PTPRN2: variants seen among roughly 807,000 people sequenced by gnomAD.
PTPRN2 encodes receptor-type tyrosine-protein phosphatase N2.
Under a neutral mutation model 118.8 loss-of-function variants are expected in PTPRN2, and 74 were observed. The observed-to-expected ratio is 0.62, with a 90% CI of 0.52 to 0.76. The LOEUF (loss-of-function observed/expected upper bound fraction) is 0.76, where lower values mean the gene tolerates loss of function less well. Ranked by LOEUF, PTPRN2 falls within the 30% of genes least tolerant of loss-of-function variation. PTPRN2 has a pLI of 0.00. For synonymous variants in PTPRN2, 641 were observed against 608.0 expected (o/e 1.05, Z -0.80); for missense variants, 1,481 against 1,394.4 (o/e 1.06, Z -0.99).
At chr7:157,872,393 C>T (rs1431572346) in intron 12 of PTPRN2, among the ~76,000 whole-genome samples, 7 of 119,906 alleles carry the variant, frequency 5.8e-5, no homozygotes, top group African/African-American at 1.7e-4. Flanking sequence ...ACCCAGTGTC[C>T]TCCCCCCACA....
intron 12 of PTPRN2, 59 bp downstream of exon 12, chr7:157,898,614 G>A (rs930290941): frequency 6.1e-6 from 9 of 1,484,338 alleles, no homozygotes; most frequent in African/African-American, 4.2e-5. Flanking sequence ...CACGGTGTTC[G>A]CCAGCACCCA....
At chr7:157,686,427 A>G (rs1797197305) in intron 12 of PTPRN2, among the ~76,000 whole-genome samples, 1 of 152,216 alleles carries the variant, frequency 6.6e-6, no homozygotes, top group African/African-American at 2.4e-5. Flanking sequence ...GTGGAGTTAA[A>G]AAAAATCTTC....
chr7:157,978,112 G>A (rs1802885528), intron 11 of PTPRN2, among the ~76,000 whole-genome samples: 1 of 152,004 alleles, frequency 6.6e-6, no homozygotes, highest in South Asian at 2.1e-4. Context: ...GAGGTTTACA[G>A]ATGCCTTGGG....
intron 3 of PTPRN2, among the ~76,000 whole-genome samples, chr7:158,312,258 ACTCACGTGCTCACATGTAGACACG>A: frequency 6.4e-5 from 7 of 109,442 alleles, no homozygotes; most frequent in South Asian, 2.4e-4. Flanking sequence ...CTGCACACGC[ACTCACGTGCTCACATGTAGACACG>A]CACACATGCA....
intron 12 of PTPRN2, among the ~76,000 whole-genome samples, chr7:157,814,954 G>A (rs1487007318): frequency 2.6e-5 from 4 of 152,158 alleles, no homozygotes; most frequent in Admixed American, 2.0e-4. Context: ...AAAGCTACGT[G>A]GTCACCCGTG....
chr7:157,718,456 G>A (rs999471135), intron 12 of PTPRN2, among the ~76,000 whole-genome samples: 10 of 152,202 alleles, frequency 6.6e-5, no homozygotes, highest in Admixed American at 4.6e-4. Flanking sequence ...TTTGGAGAGC[G>A]CCTTCCTCCT....
chr7:158,392,681 C>T (rs1812032634), intron 2 of PTPRN2, among the ~76,000 whole-genome samples: 2 of 152,148 alleles, frequency 1.3e-5, no homozygotes. Flanking sequence ...ACTGCGAAGA[C>T]ACAAAGCCGG....
chr7:158,043,024 A>T (rs1401679849), intron 11 of PTPRN2, among the ~76,000 whole-genome samples: 1 of 152,162 alleles, frequency 6.6e-6, no homozygotes, highest in African/African-American at 2.4e-5. Flanking sequence ...GAGACCAAAA[A>T]AATGGAGGAA....
chr7:157,677,603 C>A (rs1408456228), intron 13 of PTPRN2, among the ~76,000 whole-genome samples: 1 of 152,164 alleles, frequency 6.6e-6, no homozygotes, highest in Non-Finnish European at 1.5e-5. Context: ...CGTTCAGACT[C>A]ATGGTGAAAA....
Position 157,550,609 on chromosome 7 carries a change from T to C in PTPRN2, c.2903-1590A>G, listed in dbSNP as rs1243335614. Among the ~76,000 whole-genome samples the C allele has an allele frequency of 6.6e-6, 1 of 152,204 alleles. No homozygotes were observed. The highest frequency in any genetic ancestry group is 2.4e-5 in the African/African-American group (1 of 41,462). On this transcript the variant is annotated intron_variant, in intron 21 of 22. Coordinates refer to ENST00000389418, the MANE Select transcript of PTPRN2 (RefSeq NM_002847.5). The surrounding 1 kb of genome is among the most constrained non-coding windows in gnomAD (Gnocchi z 5.2). ...CTGGCAGGAACAGGGCTCGTGGTGA[T>C]GGGAGCCACTGTCGGGGCTAAGCTG...
At chr7:157,736,037 T>C (rs934464173) in intron 12 of PTPRN2, among the ~76,000 whole-genome samples, 2 of 152,178 alleles carry the variant, frequency 1.3e-5, no homozygotes, top group Non-Finnish European at 2.9e-5. Flanking sequence ...ACCTTGGATC[T>C]CATGCCCTGG....
At chr7:158,329,995 C>T (rs1469778364) in intron 2 of PTPRN2, among the ~76,000 whole-genome samples, 1 of 152,094 alleles carries the variant, frequency 6.6e-6, no homozygotes, top group Non-Finnish European at 1.5e-5. Context: ...CTCACGCCCG[C>T]AGACGACACT....
At chr7:157,706,100 G>A (rs116596567) in intron 12 of PTPRN2, among the ~76,000 whole-genome samples, 1,770 of 151,734 alleles carry the variant, frequency 0.012, 33 homozygotes, top group African/African-American at 0.041. Flanking sequence ...GGTGCCTTCC[G>A]GATTAACGTG....
At chr7:157,859,819 A>T (rs1286154255) in intron 12 of PTPRN2, among the ~76,000 whole-genome samples, 3 of 99,806 alleles carry the variant, frequency 3.0e-5, no homozygotes, top group Non-Finnish European at 5.9e-5. Context: ...TCCCCCAGCC[A>T]CCACCCACAC....
intron 12 of PTPRN2, among the ~76,000 whole-genome samples, chr7:157,753,374 C>T (rs56087737): frequency 0.039 from 5,935 of 152,228 alleles, 154 homozygotes; most frequent in South Asian, 0.073. Flanking sequence ...ATAGGAAGTG[C>T]AGTTTGGTGC....
At chr7:158,496,136 A>G (rs573992059) in intron 1 of PTPRN2, among the ~76,000 whole-genome samples, 2 of 151,846 alleles carry the variant, frequency 1.3e-5, no homozygotes, top group East Asian at 2.0e-4. Flanking sequence ...CCTCCACATG[A>G]GAGGGACTGA....
At chr7:158,129,526 A>G in intron 9 of PTPRN2, among the ~76,000 whole-genome samples, 1 of 151,510 alleles carries the variant, frequency 6.6e-6, no homozygotes, top group Non-Finnish European at 1.5e-5. Context: ...CACCACACAT[A>G]CAACACACAC....
intron 11 of PTPRN2, among the ~76,000 whole-genome samples, chr7:157,950,736 C>T (rs189097598): frequency 1.3e-5 from 2 of 152,246 alleles, no homozygotes; most frequent in Admixed American, 6.5e-5. Flanking sequence ...GCAAGGTCTG[C>T]GTGGAGTGAA....
At chr7:158,174,628 T>C (rs73173673) in intron 5 of PTPRN2, among the ~76,000 whole-genome samples, 13,634 of 152,160 alleles carry the variant, frequency 0.09, 641 homozygotes, top group African/African-American at 0.094. Context: ...GAAGAATAAC[T>C]CAGATGTGGC....
Sources: allele counts gnomAD v4.1 joint callset (sites outside exome capture counted in the v4.1 genomes callset), GRCh38; gene constraint gnomAD v4.1.1; non-coding constraint Gnocchi (gnomAD v3.1); transcripts MANE v1.5; gene names NCBI Gene and HGNC (gene_info 2026-07-23, HGNC 2026-07-21).